The following NLRP12 variants were observed in gnomAD, a reference collection of about 807,000 sequenced individuals.
NLRP12 encodes the protein NACHT, LRR and PYD domains-containing protein 12.
In NLRP12, 108 loss-of-function variants were observed where a neutral mutation model predicts 91.2. The observed-to-expected ratio is 1.18, with a 90% confidence interval of 1.01 to 1.39. The LOEUF is 1.39. Among genes scored for constraint, NLRP12 ranks in the 40% most tolerant of loss-of-function variants. NLRP12 has a pLI of 0.00. For missense variants in NLRP12, 1,530 were observed against 1,352.7 expected (o/e 1.13, Z -2.06); for synonymous variants, 613 against 566.7 (o/e 1.08, Z -1.16).
chr19:53,795,782 C>T (rs1310489520), intron 9 of NLRP12, 77 bp downstream of exon 9: 1 of 1,327,038 alleles, frequency 7.5e-7, no homozygotes, highest in African/African-American at 1.4e-5. Context: ...ACGTATTTGT[C>T]CATCCAGCTT....
At chr19:53,796,571 A>G (rs1336139087) in intron 8 of NLRP12, among the ~76,000 whole-genome samples, 2 of 152,032 alleles carry the variant, frequency 1.3e-5, no homozygotes, top group South Asian at 2.1e-4. Context: ...TTTAGTGGAG[A>G]GGGGATTTCA....
In NLRP12 at chr19:53,801,218, G is replaced by A. The variant is rs754968731; in HGVS notation, c.2756+9C>T. 2.0e-5 allele frequency: 33 copies of A among 1,613,302 alleles called. No individual in the cohort carries two copies. The East Asian group carries it at 2.5e-4, about 12-fold the overall frequency. On this transcript the variant is annotated intron_variant, in intron 7 of 9. Transcript: ENST00000324134. Reference sequence around the variant, plus strand: ...GGACTCCTAGCGTGGTGAGCAAAACGGGACTCACCGCAGGGTCTGGAGCTT... The same window carrying A: ...GGACTCCTAGCGTGGTGAGCAAAACAGGACTCACCGCAGGGTCTGGAGCTT...
At chr19:53,798,744 A>ATT (rs36023579) in intron 7 of NLRP12, among the ~76,000 whole-genome samples, 2 of 151,784 alleles carry the variant, frequency 1.3e-5, no homozygotes, top group African/African-American at 4.8e-5. Flanking sequence ...ACAAAAAAAA[A>ATT]TTTTTTTTCT....
intron 3 of NLRP12, 46 bp downstream of exon 3, chr19:53,809,541 A>AAAAAAC: frequency 7.0e-7 from 1 of 1,425,776 alleles, no homozygotes; most frequent in Non-Finnish European, 9.5e-7. Flanking sequence ...AAAAAAAAAA[A>AAAAAAC]CACACGAACC....
At chr19:53,823,758 C>T in intron 1 of NLRP12, 128 bp downstream of exon 1, 3 of 1,066,842 alleles carry the variant, frequency 2.8e-6, no homozygotes, top group South Asian at 2.6e-5. Flanking sequence ...CTATGTTGTC[C>T]AGACTGGTCT....
Position 53,798,296 on chromosome 19 carries a change from C to G in NLRP12, c.2874G>C (p.Leu958=), listed in dbSNP as rs1352087096. The change falls in exon 8 of 10, where the codon CTG becomes CTC. Residue 958 remains leucine, a synonymous_variant. Transcript: ENST00000324134. The stretch of plus-strand genomic sequence containing the variant: ...GTTGCAGCCCCTCAGCCAGCAACCA[C>G]AGGCCCCAGTCTCCCAGGTCGTTGA... ...LSFNDLGDWG[L]WLLAEGLQHP... is the part of the protein sequence containing the mutation. 1 of 1,614,068 alleles carries G rather than the reference C, an allele frequency of 6.2e-7. No individual in the cohort carries two copies.
chr19:53,819,249 C>CT (rs2122749494), intron 1 of NLRP12, among the ~76,000 whole-genome samples: 2 of 150,136 alleles, frequency 1.3e-5, no homozygotes, highest in East Asian at 3.9e-4. Flanking sequence ...TTTTTTCTTT[C>CT]TTTTCTTTTT....
intron 1 of NLRP12, among the ~76,000 whole-genome samples, chr19:53,817,832 G>A (rs556021292): frequency 6.6e-5 from 10 of 151,978 alleles, no homozygotes; most frequent in East Asian, 1.9e-4. Context: ...TCACTGTGTC[G>A]TCCAGGCTGG....
Position 53,794,087 on chromosome 19 carries a change from G to A in NLRP12, c.3148C>T (p.Leu1050Phe), listed in dbSNP as rs1293965801. Residue 1050 changes from leucine (L) to phenylalanine (F), a missense_variant, in exon 10 of 10, where the codon CTT becomes TTT. Coordinates refer to ENST00000324134, the MANE Select transcript of NLRP12 (RefSeq NM_144687.4). ...TCCAAATAAGGTTTTGTTACTCGAA[G>A]CGCTGCCAACCTACTGTGGGTCATT... is the stretch of plus-strand genomic sequence containing the variant. The part of the protein sequence containing the change: ...NKMTHSRLAA[L>F]RVTKPYLDIG... The A allele has an allele frequency of 2.5e-6, 4 of 1,614,022 alleles. No individual in the cohort carries two copies. The highest frequency in any genetic ancestry group is 3.3e-5 in the Admixed American group (2 of 59,992).
At chr19:53,807,370 G>C (rs963842151) in intron 4 of NLRP12, 125 bp downstream of exon 4, 2 of 962,032 alleles carry the variant, frequency 2.1e-6, no homozygotes, top group African/African-American at 1.6e-5. Flanking sequence ...ACCTGGCTTT[G>C]TGACACTTTT....
intron 1 of NLRP12, among the ~76,000 whole-genome samples, chr19:53,820,531 GAAACA>G (rs2092250188): frequency 6.6e-6 from 1 of 151,144 alleles, no homozygotes; most frequent in African/African-American, 2.4e-5. Flanking sequence ...CTCTGTCTCA[GAAACA>G]AAACAAAACA....
rs370229918 is a variant in NLRP12, at chr19:53,809,839, T to G, written c.1820A>C (p.Gln607Pro). The G allele has an allele frequency of 4.6e-5, 75 of 1,614,052 alleles. No individual in the cohort carries two copies. The East Asian group carries it at 9.4e-4, about 20-fold the overall frequency. Residue 607 changes from glutamine (Q) to proline (P), a missense_variant, in exon 3 of 10, where the codon CAG (glutamine) becomes CCG (proline). Gln to Pro is a moderately conservative substitution (Grantham distance 76, BLOSUM62 -1). Coordinates refer to ENST00000324134, the MANE Select transcript of NLRP12 (RefSeq NM_144687.4). ...GCTGAAGAACTCCAAGGAGCCCTGC[T>G]GCAGGGTGGAGCCGTCGCTCTGAGC... ...SKAQSDGSTL[Q>P]QGSLEFFSCL...
chr19:53,805,429 G>A lies in NLRP12; in HGVS notation c.2265C>T (p.Ser755=). Residue 755 remains serine, a synonymous_variant, in exon 5 of 10, where the codon TCC becomes TCT. Coordinates refer to ENST00000324134, the MANE Select transcript of NLRP12 (RefSeq NM_144687.4). ...CAGAGAGGTCCTCGCAGGCTGAGCTGGAGATGCGGCACCTCTTCAGCCTGG... is the reference window on the plus strand; with the variant it reads ...CAGAGAGGTCCTCGCAGGCTGAGCTAGAGATGCGGCACCTCTTCAGCCTGG... ...QNLRLKRCRI[S]SSACEDLSAA... 1 of 1,614,042 alleles carries A rather than the reference G, an allele frequency of 6.2e-7. No individual in the cohort carries two copies. The highest frequency in any genetic ancestry group is 8.5e-7 in the Non-Finnish European group (1 of 1,179,986).
chr19:53,794,108 T>C lies in NLRP12; in HGVS notation c.3127A>G (p.Thr1043Ala), dbSNP rs1009978100. 7 of 1,613,804 alleles carry C rather than the reference T, an allele frequency of 4.3e-6. No individual in the cohort carries two copies. The highest frequency in any genetic ancestry group is 1.1e-5 in the South Asian group (1 of 91,080). The stretch of plus-strand genomic sequence containing the variant: ...CGAAGCGCTGCCAACCTACTGTGGG[T>C]CATTTTATTCAGGTCCATCCCAAAT... The part of the protein sequence containing the change: ...WLFGMDLNKM[T>A]HSRLAALRVT... Residue 1043 changes from threonine to alanine, a missense_variant, in exon 10 of 10, where the codon ACC becomes GCC. By Grantham distance (58) the Thr-to-Ala change is moderately conservative. Coordinates refer to ENST00000324134, the MANE Select transcript of NLRP12 (RefSeq NM_144687.4).
At chr19:53,815,225 CT>C (rs59179749) in intron 1 of NLRP12, among the ~76,000 whole-genome samples, 6,139 of 96,792 alleles carry the variant, frequency 0.063, 95 homozygotes, top group East Asian at 0.1. Context: ...TCCAATCAGT[CT>C]TTTTTTTTTT....
chr19:53,823,448 AAATATATAT>A (rs1196224045), intron 1 of NLRP12, among the ~76,000 whole-genome samples: 165 of 52,048 alleles, frequency 3.2e-3, no homozygotes, highest in African/African-American at 0.011. Flanking sequence ...TATATGTTTT[AAATATATAT>A]TTTAAATATA....
chr19:53,794,029 G>C lies in NLRP12; in HGVS notation c.*20C>G, dbSNP rs757556660. ...CTTCCTCTGTCCAGATCTCAGGGGA[G>C]AGCCAGCAGATAGGACCATTCAGCA... On this transcript the variant is annotated 3_prime_UTR_variant, in exon 10 of 10. Transcript: ENST00000324134. The C allele has an allele frequency of 6.4e-7, 1 of 1,572,534 alleles. No individual in the cohort carries two copies. The highest frequency in any genetic ancestry group is 8.8e-7 in the Non-Finnish European group (1 of 1,142,106).
intron 2 of NLRP12, among the ~76,000 whole-genome samples, chr19:53,813,776 C>T (rs535612075): frequency 1.3e-5 from 2 of 152,230 alleles, no homozygotes; most frequent in African/African-American, 4.8e-5. Flanking sequence ...CAACTTCAAC[C>T]TCCTGGGCTC....
rs372647059 is a variant in NLRP12, at chr19:53,804,067, C to T, written c.2470G>A (p.Gly824Ser). 1.2e-6 allele frequency: 2 copies of T among 1,613,984 alleles called. No individual in the cohort carries two copies. The highest frequency in any genetic ancestry group is 1.1e-5 in the South Asian group (1 of 91,076). ...AACTCAACCAGATGTGGGTTGGTGCCGAGCACAGAAGCCATCTCCTGACAA... is the reference window on the plus strand; with the variant it reads ...AACTCAACCAGATGTGGGTTGGTGCTGAGCACAGAAGCCATCTCCTGACAA... ...GACQEMASVL[G>S]TNPHLVELDL... Residue 824 changes from glycine (G) to serine (S), a missense_variant, in exon 6 of 10, where the codon GGC becomes AGC. Transcript: ENST00000324134.
Sources: gnomAD v4.1 joint callset for allele counts (sites outside exome capture counted in the v4.1 genomes callset) on GRCh38, gnomAD v4.1.1 for gene constraint, MANE v1.5 for transcripts, NCBI Gene and HGNC (gene_info 2026-07-23, HGNC 2026-07-21) for gene names.